SNTG1: variants seen among roughly 807,000 people sequenced by gnomAD.
SNTG1 encodes syntrophin gamma 1.
In SNTG1, 39 loss-of-function variants were observed where a neutral mutation model predicts 74.7. That is an observed-to-expected ratio of 0.52 (90% CI 0.40 to 0.68). The LOEUF is 0.68. Among genes scored for constraint, SNTG1 ranks in the 30% least tolerant of loss-of-function variants. The pLI is 0.00. For synonymous variants in SNTG1, 254 were observed against 217.1 expected (o/e 1.17, Z -1.49); for missense variants, 685 against 609.5 (o/e 1.12, Z -1.30).
chr8:50,513,229 C>T lies in SNTG1; in HGVS notation c.466+10349C>T, dbSNP rs571638250. 1.1e-3 allele frequency among the ~76,000 whole-genome samples: 164 copies of T among 152,262 alleles called. 5 individuals carry two copies. The South Asian group carries it at 0.032, about 30-fold the overall frequency. On this transcript the variant is annotated intron_variant, in intron 9 of 18. Transcript: ENST00000642720. ...ATCAGCAGTGGAGGCTGCAGAACAG[C>T]GGATATTGGTGAGCAGCAAATATTG...
At chr8:50,336,668 T>C (rs972005004) in intron 2 of SNTG1, among the ~76,000 whole-genome samples, 6 of 152,210 alleles carry the variant, frequency 3.9e-5, no homozygotes, top group Admixed American at 1.3e-4. Context: ...ACCCACACTA[T>C]GTTTGTTTGT....
At chr8:50,034,131 C>T (rs1817956882) in intron 1 of SNTG1, among the ~76,000 whole-genome samples, 1 of 152,142 alleles carries the variant, frequency 6.6e-6, no homozygotes, top group Non-Finnish European at 1.5e-5. Flanking sequence ...AACAATCAGG[C>T]ACATTTCTCT....
chr8:50,101,139 C>T (rs531330678), intron 1 of SNTG1, among the ~76,000 whole-genome samples: 27 of 152,160 alleles, frequency 1.8e-4, no homozygotes, highest in Middle Eastern at 3.4e-3. Flanking sequence ...GCATAGTATT[C>T]CATGGTATAT....
intron 13 of SNTG1, among the ~76,000 whole-genome samples, chr8:50,645,894 G>C (rs1435510135): frequency 6.6e-6 from 1 of 151,918 alleles, no homozygotes; most frequent in Non-Finnish European, 1.5e-5. Flanking sequence ...AAATGCTGAG[G>C]GGGAAAGTGT....
At chr8:50,264,858 T>C (rs2087382437) in intron 2 of SNTG1, among the ~76,000 whole-genome samples, 1 of 151,954 alleles carries the variant, frequency 6.6e-6, no homozygotes, top group African/African-American at 2.4e-5. Flanking sequence ...TAAAAAACTC[T>C]ATGTCAACAA....
At chr8:50,574,506 T>G (rs575347284) in intron 12 of SNTG1, among the ~76,000 whole-genome samples, 16 of 152,240 alleles carry the variant, frequency 1.1e-4, no homozygotes, top group African/African-American at 3.4e-4. Context: ...GAGTGTAATA[T>G]TAATGTTTTA....
chr8:49,914,330 G>C (rs561582968), intron 1 of SNTG1, among the ~76,000 whole-genome samples: 9 of 150,564 alleles, frequency 6.0e-5, no homozygotes, highest in Non-Finnish European at 1.0e-4. Context: ...ATGAGGTCTT[G>C]GGAGTACCAA....
intron 1 of SNTG1, among the ~76,000 whole-genome samples, chr8:49,921,108 C>G (rs1044370417): frequency 6.6e-6 from 1 of 151,890 alleles, no homozygotes; most frequent in Non-Finnish European, 1.5e-5. Context: ...CTCAGAGCTA[C>G]CGAAGTGGAG....
chr8:50,139,949 T>C (rs2081601255), intron 1 of SNTG1, among the ~76,000 whole-genome samples: 1 of 152,238 alleles, frequency 6.6e-6, no homozygotes, highest in Non-Finnish European at 1.5e-5. Flanking sequence ...CAAATTCAGT[T>C]GATGTCTGAA....
At chr8:50,314,882 G>A (rs116963082) in intron 2 of SNTG1, among the ~76,000 whole-genome samples, 4,295 of 149,652 alleles carry the variant, frequency 0.029, 158 homozygotes, top group Non-Finnish European at 0.044. Flanking sequence ...GTAAGCACTG[G>A]TGAACTTTTC....
At chr8:50,200,388 G>A (rs1385313539) in intron 2 of SNTG1, among the ~76,000 whole-genome samples, 2 of 152,184 alleles carry the variant, frequency 1.3e-5, no homozygotes, top group Admixed American at 6.5e-5. Flanking sequence ...GAGCTGTGGA[G>A]AAAGTAAATG....
chr8:50,224,370 A>T (rs975209232), intron 2 of SNTG1, among the ~76,000 whole-genome samples: 5 of 152,220 alleles, frequency 3.3e-5, no homozygotes, highest in African/African-American at 1.2e-4. Context: ...TAGATCCCAC[A>T]GATCACAAAC....
At chr8:50,367,193 G>A (rs897335782) in intron 2 of SNTG1, among the ~76,000 whole-genome samples, 2 of 151,400 alleles carry the variant, frequency 1.3e-5, no homozygotes, top group African/African-American at 4.8e-5. Flanking sequence ...AGATCAGCTT[G>A]GTATTTAAAA....
chr8:50,540,928 T>G (rs1404747094), intron 11 of SNTG1, among the ~76,000 whole-genome samples: 7 of 152,010 alleles, frequency 4.6e-5, no homozygotes, highest in Non-Finnish European at 2.9e-5. Context: ...CATCTATATA[T>G]TATACATATA....
At chr8:49,925,353 G>A (rs1000670066) in intron 1 of SNTG1, among the ~76,000 whole-genome samples, 1 of 151,964 alleles carries the variant, frequency 6.6e-6, no homozygotes, top group Non-Finnish European at 1.5e-5. Flanking sequence ...ACCCAAACCA[G>A]GAATTGATAT....
chr8:50,272,498 A>G (rs189642949), intron 2 of SNTG1, among the ~76,000 whole-genome samples: 9 of 152,276 alleles, frequency 5.9e-5, no homozygotes, highest in African/African-American at 2.2e-4. Flanking sequence ...GGACATGAAG[A>G]TTGTTCACAG....
intron 2 of SNTG1, among the ~76,000 whole-genome samples, chr8:50,206,119 C>T (rs1259693315): frequency 6.6e-6 from 1 of 152,096 alleles, no homozygotes; most frequent in Non-Finnish European, 1.5e-5. Flanking sequence ...TCATTGGTAG[C>T]TTGATTGGGA....
At chr8:50,665,782 C>A (rs1458356424) in intron 15 of SNTG1, among the ~76,000 whole-genome samples, 1 of 151,852 alleles carries the variant, frequency 6.6e-6, no homozygotes, top group East Asian at 1.9e-4. Context: ...TATAACTCAG[C>A]AAATAAAATA....
chr8:50,215,007 T>C lies in SNTG1; in HGVS notation c.-28+42372T>C, dbSNP rs2084710143. Among the ~76,000 whole-genome samples, 6 of 152,152 alleles carry C rather than the reference T, an allele frequency of 3.9e-5. No individual in the cohort carries two copies. The South Asian group carries it at 1.2e-3, about 31-fold the overall frequency. On this transcript the variant is annotated intron_variant, in intron 2 of 18. Transcript: ENST00000642720. Reference sequence around the variant, plus strand: ...AAGGCAAAGGCAAAGAAATCTGTTTTCCTCTTCCAATTCTGAGAATCAAAA... The same window carrying C: ...AAGGCAAAGGCAAAGAAATCTGTTTCCCTCTTCCAATTCTGAGAATCAAAA...
Sources: gnomAD v4.1 joint callset for allele counts (sites outside exome capture counted in the v4.1 genomes callset) on GRCh38, gnomAD v4.1.1 for gene constraint, MANE v1.5 for transcripts, NCBI Gene and HGNC (gene_info 2026-07-23, HGNC 2026-07-21) for gene names.